The following SLC44A5 variants were observed in gnomAD, a reference collection of about 807,000 sequenced individuals.
SLC44A5 encodes solute carrier family 44 member 5.
SLC44A5 carries 57 observed loss-of-function variants against 101.8 expected under a neutral mutation model. The observed-to-expected ratio is 0.56, with a 90% CI of 0.45 to 0.70. SLC44A5 has a LOEUF of 0.70. Among genes scored for constraint, SLC44A5 ranks in the 30% least tolerant of loss-of-function variants. The pLI, the probability that SLC44A5 is intolerant of heterozygous loss-of-function variation, is 0.00. For missense variants in SLC44A5, 737 were observed against 853.1 expected, an observed-to-expected ratio of 0.86 and a Z score of 1.70; for synonymous variants, 281 against 290.9, an observed-to-expected ratio of 0.97 and a Z score of 0.35.
At chr1:75,694,749 C>A in the SLC44A5 span, among the ~76,000 whole-genome samples, 1 of 152,034 alleles carries the variant, frequency 6.6e-6, no homozygotes, top group Non-Finnish European at 1.5e-5. Flanking sequence ...AAAGTTGTAT[C>A]AAGAAGTTTA....
intron 6 of SLC44A5, among the ~76,000 whole-genome samples, chr1:75,251,747 T>C (rs679018): frequency 0.7 from 105,952 of 152,044 alleles, 37,534 homozygotes; most frequent in East Asian, 0.93. Flanking sequence ...TTTTTTGTGC[T>C]TTTATGGATT....
chr1:75,264,580 A>G (rs1650832515), intron 6 of SLC44A5, among the ~76,000 whole-genome samples: 1 of 152,208 alleles, frequency 6.6e-6, no homozygotes, highest in Non-Finnish European at 1.5e-5. Context: ...GGAAATTTAA[A>G]ATTTTTTTCA....
intron 11 of SLC44A5, among the ~76,000 whole-genome samples, chr1:75,236,072 G>A (rs1648050594): frequency 1.3e-5 from 2 of 152,104 alleles, no homozygotes; most frequent in Middle Eastern, 3.4e-3. Context: ...TAAAAAGGAG[G>A]TGCAGTTGTC....
intron 2 of SLC44A5, among the ~76,000 whole-genome samples, chr1:75,438,481 C>G (rs1032609892): frequency 2.0e-5 from 3 of 152,052 alleles, no homozygotes; most frequent in African/African-American, 2.4e-5. Context: ...CAACATAGAA[C>G]AAATCCAGGA....
chr1:75,217,529 A>T (rs1646987030), intron 18 of SLC44A5, among the ~76,000 whole-genome samples: 1 of 152,136 alleles, frequency 6.6e-6, no homozygotes, highest in South Asian at 2.1e-4. Flanking sequence ...TGAACTATAT[A>T]CTTGGAACTG....
intron 2 of SLC44A5, among the ~76,000 whole-genome samples, chr1:75,508,189 T>C (rs554528102): frequency 3.7e-4 from 56 of 152,128 alleles, no homozygotes; most frequent in African/African-American, 1.3e-3. Flanking sequence ...AGAATAAAAA[T>C]AGAAATCAAT....
chr1:75,510,189 G>T (rs935878982), intron 2 of SLC44A5, among the ~76,000 whole-genome samples: 3 of 152,144 alleles, frequency 2.0e-5, no homozygotes, highest in Non-Finnish European at 4.4e-5. Context: ...TGAGATTTGG[G>T]TGGGGACACA....
chr1:75,299,021 A>G (rs1032346788), intron 5 of SLC44A5, among the ~76,000 whole-genome samples: 23 of 152,210 alleles, frequency 1.5e-4, no homozygotes, highest in African/African-American at 5.5e-4. Context: ...TCTTTCACTT[A>G]TGTAACACAT....
At chr1:75,261,489 T>C (rs962780895) in intron 6 of SLC44A5, among the ~76,000 whole-genome samples, 1 of 152,046 alleles carries the variant, frequency 6.6e-6, no homozygotes, top group African/African-American at 2.4e-5. Flanking sequence ...AATCCTGGAA[T>C]AGACCAGTAA....
intron 2 of SLC44A5, among the ~76,000 whole-genome samples, chr1:75,462,603 G>T (rs1389081156): frequency 2.0e-5 from 3 of 152,052 alleles, no homozygotes; most frequent in Admixed American, 1.3e-4. Context: ...GAATTCAAAA[G>T]CTGTTTTGAG....
intron 2 of SLC44A5, among the ~76,000 whole-genome samples, chr1:75,500,792 C>T (rs1258048389): frequency 2.0e-5 from 3 of 152,148 alleles, no homozygotes. Context: ...ATGAGCATTT[C>T]ACTTCAAAGT....
chr1:75,601,811 C>T (rs1675001186), intron 1 of SLC44A5, among the ~76,000 whole-genome samples: 1 of 152,192 alleles, frequency 6.6e-6, no homozygotes, highest in African/African-American at 2.4e-5. Flanking sequence ...CACCTTCCCA[C>T]CCCGAGTTGT....
rs1036706914 is a variant in SLC44A5 at position 75,575,134 on chromosome 1, C to T, written c.-69-33618G>A. ...CCTAAAATGACTTAATTTCTAGATGCTCCACATTTTTAATAGATAATCAAG... is the reference window on the plus strand; with the variant it reads ...CCTAAAATGACTTAATTTCTAGATGTTCCACATTTTTAATAGATAATCAAG... On this transcript the variant is annotated intron_variant, in intron 1 of 23. Coordinates refer to ENST00000370859, the MANE Select transcript of SLC44A5 (RefSeq NM_001130058.2). Among the ~76,000 whole-genome samples, 5 of 152,166 alleles carry T rather than the reference C, an allele frequency of 3.3e-5. No homozygotes were observed. The South Asian group carries it at 8.3e-4, about 25-fold the overall frequency.
chr1:75,254,151 G>A (rs1201800387), intron 6 of SLC44A5, among the ~76,000 whole-genome samples: 1 of 151,826 alleles, frequency 6.6e-6, no homozygotes, highest in Non-Finnish European at 1.5e-5. Flanking sequence ...CAATTCTCCT[G>A]CCTCGGCCTT....
At chr1:75,482,150 C>T (rs1667900300) in intron 2 of SLC44A5, among the ~76,000 whole-genome samples, 1 of 151,954 alleles carries the variant, frequency 6.6e-6, no homozygotes, top group Non-Finnish European at 1.5e-5. Flanking sequence ...AATCATCATT[C>T]TCAGTAAACT....
chr1:75,409,854 TG>T (rs1291332123), intron 2 of SLC44A5, among the ~76,000 whole-genome samples: 1 of 152,070 alleles, frequency 6.6e-6, no homozygotes, highest in African/African-American at 2.4e-5. Flanking sequence ...AGCCCAAGGT[TG>T]TTTCAGAACT....
At chr1:75,317,953 T>C (rs113084448) in intron 4 of SLC44A5, among the ~76,000 whole-genome samples, 161 of 152,274 alleles carry the variant, frequency 1.1e-3, no homozygotes, top group African/African-American at 3.8e-3. Context: ...AAACCTTCAG[T>C]CCATTACACC....
At position 75,432,154 on chromosome 1, in the gene SLC44A5, T is replaced by C. The variant is rs185837154; in HGVS notation, c.14-35533A>G. 1.4e-3 allele frequency among the ~76,000 whole-genome samples: 214 copies of C among 152,300 alleles called. 4 individuals are homozygous for C. The highest frequency in any genetic ancestry group is 5.1e-3 in the African/African-American group (210 of 41,562). On this transcript the variant is annotated intron_variant, in intron 2 of 23. Transcript: ENST00000370859. ...CTCTCCTCAATTGCTCTAAATCCTC[T>C]AAGAAATCCATTTCCCAGGCTGCCT...
chr1:75,214,886 G>A (rs75230952), intron 19 of SLC44A5, among the ~76,000 whole-genome samples: 6,898 of 152,218 alleles, frequency 0.045, 195 homozygotes, highest in Middle Eastern at 0.092. Flanking sequence ...GTGTGCTTCC[G>A]ATACTGTATG....
Sources: allele counts gnomAD v4.1 joint callset (sites outside exome capture counted in the v4.1 genomes callset), GRCh38; gene constraint gnomAD v4.1.1; transcripts MANE v1.5; gene names NCBI Gene and HGNC (gene_info 2026-07-23, HGNC 2026-07-21).